Variants in PXDNL observed in about 807,000 individuals in gnomAD.
PXDNL encodes the protein probable oxidoreductase PXDNL.
A neutral mutation model predicts 150.8 loss-of-function variants in PXDNL; 145 were observed. The observed-to-expected ratio is 0.96, with a 90% CI of 0.84 to 1.10. The LOEUF is 1.10. Among genes scored for constraint, PXDNL ranks in the 50% least tolerant of loss-of-function variants. The pLI is 0.00. For missense variants in PXDNL, 2,087 were observed against 1,873.9 expected, an observed-to-expected ratio of 1.11 and a Z score of -2.10; for synonymous variants, 757 against 725.7, an observed-to-expected ratio of 1.04 and a Z score of -0.69.
chr8:51,593,571 A>G (rs1385582359), intron 2 of PXDNL, among the ~76,000 whole-genome samples: 2 of 152,176 alleles, frequency 1.3e-5, no homozygotes, highest in South Asian at 2.1e-4. Flanking sequence ...GGGTTTTTGT[A>G]TGAATGATTA....
intron 1 of PXDNL, among the ~76,000 whole-genome samples, chr8:51,744,133 AAAGG>A (rs1330480490): frequency 7.0e-6 from 1 of 142,972 alleles, no homozygotes; most frequent in African/African-American, 2.6e-5. Context: ...GAAGAAAGAG[AAAGG>A]AAGGAAGAAG....
intron 1 of PXDNL, among the ~76,000 whole-genome samples, chr8:51,691,769 C>T (rs1046072835): frequency 7.9e-5 from 12 of 152,164 alleles, no homozygotes; most frequent in African/African-American, 2.6e-4. Flanking sequence ...ACCTTATGAA[C>T]GTTTTTACCA....
chr8:51,734,055 G>C (rs1816987384), intron 1 of PXDNL, among the ~76,000 whole-genome samples: 1 of 151,860 alleles, frequency 6.6e-6, no homozygotes, highest in African/African-American at 2.4e-5. Flanking sequence ...GAGGAATGAT[G>C]TTCTCACCTT....
rs111488544 is a variant in PXDNL at position 51,578,381 on chromosome 8, A to T, written c.308+14246T>A. On this transcript the variant is annotated intron_variant, in intron 3 of 22. Transcript: ENST00000356297. The stretch of plus-strand genomic sequence containing the variant: ...TATACTAAAAAGCAATACTCTTTGC[A>T]GTCACTTGAAAACAAAATACCTAGG... Among the ~76,000 whole-genome samples, 952 of 152,076 alleles carry T rather than the reference A, an allele frequency of 6.3e-3. 3 individuals carry two copies. Among genetic ancestry groups the T allele is most frequent in the African/African-American group, 0.022 (899 of 41,568 alleles).
At chr8:51,653,393 G>C (rs775004632) in intron 2 of PXDNL, among the ~76,000 whole-genome samples, 1 of 152,118 alleles carries the variant, frequency 6.6e-6, no homozygotes, top group Non-Finnish European at 1.5e-5. Context: ...ATTCCAGCCT[G>C]GGCGACAGAG....
chr8:51,656,994 G>T (rs1815164364), intron 1 of PXDNL, among the ~76,000 whole-genome samples: 1 of 151,692 alleles, frequency 6.6e-6, no homozygotes, highest in African/African-American at 2.4e-5. Flanking sequence ...CTTATGACGG[G>T]GTTATGTCCT....
intron 2 of PXDNL, among the ~76,000 whole-genome samples, chr8:51,644,405 C>CACACATATGTATATATATACAT (rs1554561830): frequency 3.6e-5 from 3 of 82,712 alleles, no homozygotes; most frequent in African/African-American, 1.2e-4. Flanking sequence ...TATATATACA[C>CACACATATGTATATATATACAT]ATGTGTGTGT....
At chr8:51,728,432 G>C (rs1325820183) in intron 1 of PXDNL, among the ~76,000 whole-genome samples, 1 of 152,082 alleles carries the variant, frequency 6.6e-6, no homozygotes, top group African/African-American at 2.4e-5. Context: ...TGCTATCATA[G>C]GAGATGACAG....
intron 1 of PXDNL, among the ~76,000 whole-genome samples, chr8:51,659,992 C>G (rs1368471042): frequency 1.3e-5 from 2 of 151,804 alleles, no homozygotes; most frequent in Non-Finnish European, 2.9e-5. Flanking sequence ...CGAGTTCAAG[C>G]GATTCTCCTG....
intron 1 of PXDNL, among the ~76,000 whole-genome samples, chr8:51,667,944 G>A (rs536571576): frequency 1.3e-5 from 2 of 152,242 alleles, no homozygotes; most frequent in Admixed American, 6.5e-5. Flanking sequence ...ATCATTCTGT[G>A]TGAAATGTCA....
At chr8:51,746,956 C>A (rs936768108) in intron 1 of PXDNL, among the ~76,000 whole-genome samples, 1 of 152,148 alleles carries the variant, frequency 6.6e-6, no homozygotes, top group Non-Finnish European at 1.5e-5. Flanking sequence ...CTCCTGGGCT[C>A]AAGGGACCCT....
At chr8:51,765,510 C>T (rs1029404555) in intron 1 of PXDNL, among the ~76,000 whole-genome samples, 6 of 152,148 alleles carry the variant, frequency 3.9e-5, no homozygotes, top group East Asian at 1.9e-4. Flanking sequence ...CATTCTTTTC[C>T]TTTCAACTTA....
chr8:51,538,761 T>G (rs112135015), intron 4 of PXDNL, among the ~76,000 whole-genome samples: 7,892 of 152,144 alleles, frequency 0.052, 485 homozygotes, highest in African/African-American at 0.15. Context: ...AGCGAAACTC[T>G]ATCTCAAATA....
chr8:51,631,587 A>T (rs1282686989), intron 2 of PXDNL, among the ~76,000 whole-genome samples: 1 of 152,182 alleles, frequency 6.6e-6, no homozygotes, highest in African/African-American at 2.4e-5. Flanking sequence ...AACAATACAG[A>T]GAAGTGAAAA....
At chr8:51,562,857 A>G (rs970871849) in intron 3 of PXDNL, among the ~76,000 whole-genome samples, 1 of 151,970 alleles carries the variant, frequency 6.6e-6, no homozygotes, top group Non-Finnish European at 1.5e-5. Context: ...GAGCTCTTCA[A>G]TGGGGTGGGG....
At chr8:51,507,239 T>C (rs1321549570) in intron 4 of PXDNL, among the ~76,000 whole-genome samples, 5 of 152,172 alleles carry the variant, frequency 3.3e-5, no homozygotes, top group African/African-American at 1.2e-4. Context: ...ATATCTACAT[T>C]AGATTTAAAG....
chr8:51,632,423 A>T (rs949377394), intron 2 of PXDNL, among the ~76,000 whole-genome samples: 1 of 152,068 alleles, frequency 6.6e-6, no homozygotes, highest in Admixed American at 6.6e-5. Flanking sequence ...CAACATGGCA[A>T]AATCTTGTCT....
intron 21 of PXDNL, among the ~76,000 whole-genome samples, chr8:51,330,326 A>G (rs78045229): frequency 0.035 from 5,337 of 152,280 alleles, 189 homozygotes; most frequent in African/African-American, 0.087. Context: ...TTCCCAAACT[A>G]AAATGCAAAG....
At chr8:51,677,415 T>C (rs1031391999) in intron 1 of PXDNL, among the ~76,000 whole-genome samples, 10 of 152,200 alleles carry the variant, frequency 6.6e-5, no homozygotes, top group Admixed American at 4.6e-4. Flanking sequence ...TTGATGAGGA[T>C]TTAGAGTGAT....
Sources: allele counts gnomAD v4.1 joint callset (sites outside exome capture counted in the v4.1 genomes callset), GRCh38; gene constraint gnomAD v4.1.1; transcripts MANE v1.5; gene names NCBI Gene and HGNC (gene_info 2026-07-23, HGNC 2026-07-21).